The following DOCK2 variants were observed in gnomAD, a reference collection of about 807,000 sequenced individuals.
DOCK2 encodes dedicator of cytokinesis protein 2.
Under a neutral mutation model 248.9 loss-of-function variants are expected in DOCK2, and 87 were observed. That is an observed-to-expected ratio of 0.35 (90% CI 0.29 to 0.42). The LOEUF is 0.42. Ranked by LOEUF, DOCK2 falls within the 10% of genes least tolerant of loss-of-function variation. The pLI is 1.00. For missense variants in DOCK2, 1,747 were observed against 2,300.2 expected (o/e 0.76, Z 4.92); for synonymous variants, 805 against 821.6 (o/e 0.98, Z 0.35).
intron 1 of DOCK2, among the ~76,000 whole-genome samples, chr5:169,642,248 T>C (rs1408362016): frequency 2.0e-5 from 3 of 152,240 alleles, no homozygotes; most frequent in African/African-American, 7.2e-5. Flanking sequence ...ATTAACTTCT[T>C]AAATATTTGT....
Position 169,914,886 on chromosome 5 carries a change from A to C in DOCK2, c.2800-68182A>C, listed in dbSNP as rs373516281. Reference sequence around the variant, plus strand: ...CTACAAAGTCCCTTCACAGACTGACATAACTGTTGTTGTCTGGCTTCCTGT... The same window carrying C: ...CTACAAAGTCCCTTCACAGACTGACCTAACTGTTGTTGTCTGGCTTCCTGT... On this transcript the variant is annotated intron_variant, in intron 27 of 51. Transcript: ENST00000520908. Among the ~76,000 whole-genome samples the C allele has an allele frequency of 3.6e-3, 555 of 152,364 alleles. 35 individuals carry two copies. In the South Asian group the frequency reaches 0.11, roughly 30 times the overall value.
chr5:169,717,984 C>G (rs1199230768), intron 21 of DOCK2, among the ~76,000 whole-genome samples: 2 of 152,190 alleles, frequency 1.3e-5, no homozygotes, highest in Non-Finnish European at 2.9e-5. Flanking sequence ...ATCACTTGAA[C>G]CCTGGAGGTG....
chr5:170,020,453 G>A (rs748264151), intron 33 of DOCK2, among the ~76,000 whole-genome samples: 62 of 149,226 alleles, frequency 4.2e-4, no homozygotes, highest in Admixed American at 3.5e-3. Context: ...ATCTAATGAT[G>A]ATGATGATGA....
intron 27 of DOCK2, among the ~76,000 whole-genome samples, chr5:169,931,579 G>T (rs550066624): frequency 6.6e-6 from 1 of 152,328 alleles, no homozygotes; most frequent in South Asian, 2.1e-4. Context: ...TTTCATTTCA[G>T]TTACTTATTC....
intron 27 of DOCK2, among the ~76,000 whole-genome samples, chr5:169,882,393 A>AAT (rs1003511977): frequency 1.3e-5 from 2 of 152,330 alleles, no homozygotes; most frequent in Middle Eastern, 3.4e-3. Context: ...ATGAAATTCC[A>AAT]TTAGAGAAAA....
At chr5:169,731,375 G>A (rs1001350200) in intron 22 of DOCK2, among the ~76,000 whole-genome samples, 4 of 152,182 alleles carry the variant, frequency 2.6e-5, no homozygotes, top group Non-Finnish European at 5.9e-5. Context: ...AGATCTGATG[G>A]TTTTAAAAAC....
At chr5:170,056,602 C>G (rs899037736) in intron 42 of DOCK2, 82 bp from the exon 43 acceptor site, 2 of 1,158,856 alleles carry the variant, frequency 1.7e-6, no homozygotes, top group Non-Finnish European at 2.5e-6. Context: ...TGTAATGAAC[C>G]TCCCTGGACA....
chr5:170,001,720 C>T (rs1053578679), intron 30 of DOCK2, among the ~76,000 whole-genome samples: 1 of 152,184 alleles, frequency 6.6e-6, no homozygotes, highest in Non-Finnish European at 1.5e-5. Flanking sequence ...ATGTGCGATA[C>T]TGTGTGAACA....
At chr5:169,698,195 G>A (rs1304629646) in intron 10 of DOCK2, among the ~76,000 whole-genome samples, 179 bp from the exon 11 acceptor site, 11 of 152,180 alleles carry the variant, frequency 7.2e-5, no homozygotes, top group Non-Finnish European at 1.5e-5. Flanking sequence ...CCCTGGTGCT[G>A]CACGCGAGGA....
intron 44 of DOCK2, among the ~76,000 whole-genome samples, chr5:170,065,888 C>T (rs938799843): frequency 4.0e-5 from 6 of 151,634 alleles, no homozygotes; most frequent in Non-Finnish European, 7.4e-5. Flanking sequence ...CTTACCTCAC[C>T]TTTAAAGACA....
chr5:169,882,431 A>AACAACAGTGCTTCAAACATTTTGGAGAC, intron 27 of DOCK2: 1 of 793,280 alleles, frequency 1.3e-6, no homozygotes, highest in South Asian at 1.9e-5. Context: ...GATTTGGAGA[A>AACAACAGTGCTTCAAACATTTTGGAGAC]ACAACAGTGC....
At chr5:169,879,961 T>A (rs1772542640) in intron 27 of DOCK2, among the ~76,000 whole-genome samples, 1 of 152,230 alleles carries the variant, frequency 6.6e-6, no homozygotes. Flanking sequence ...TGGAGGTTAG[T>A]TCAAATTAAT....
intron 27 of DOCK2, among the ~76,000 whole-genome samples, chr5:169,886,556 C>G (rs1039904778): frequency 2.6e-5 from 4 of 152,186 alleles, no homozygotes; most frequent in Non-Finnish European, 2.9e-5. Context: ...TAGTTATTTT[C>G]ATTAATAGTA....
chr5:169,965,048 T>C (rs1777243298), intron 27 of DOCK2, among the ~76,000 whole-genome samples: 1 of 152,228 alleles, frequency 6.6e-6, no homozygotes, highest in Non-Finnish European at 1.5e-5. Context: ...AAACATCTGT[T>C]GAAGCCCTAC....
intron 9 of DOCK2, among the ~76,000 whole-genome samples, chr5:169,694,758 T>C (rs151338527): frequency 9.4e-4 from 143 of 152,012 alleles, no homozygotes; most frequent in African/African-American, 3.2e-3. Flanking sequence ...TGTGGGAGGA[T>C]TGCTTGAGCC....
intron 17 of DOCK2, 37 bp from the exon 18 acceptor site, chr5:169,713,991 G>A: frequency 6.4e-7 from 1 of 1,554,536 alleles, no homozygotes; most frequent in Non-Finnish European, 8.7e-7. Context: ...TGGGCATGGA[G>A]CCTTGGCTTG....
intron 41 of DOCK2, among the ~76,000 whole-genome samples, chr5:170,054,964 T>A (rs1162246944): frequency 6.6e-6 from 1 of 152,184 alleles, no homozygotes; most frequent in African/African-American, 2.4e-5. Context: ...TCAAATGAGA[T>A]CATGGGAAGA....
intron 26 of DOCK2, among the ~76,000 whole-genome samples, chr5:169,826,365 G>A (rs182510495): frequency 1.3e-5 from 2 of 152,228 alleles, no homozygotes; most frequent in Non-Finnish European, 2.9e-5. Context: ...AAAGGGAGAA[G>A]GACATCTCAG....
intron 22 of DOCK2, among the ~76,000 whole-genome samples, chr5:169,738,883 C>G (rs776912861): frequency 2.6e-5 from 4 of 152,170 alleles, no homozygotes; most frequent in Non-Finnish European, 4.4e-5. Context: ...ACCATTGCTC[C>G]TTCTGTTACC....
Sources: allele counts gnomAD v4.1 joint callset (sites outside exome capture counted in the v4.1 genomes callset), GRCh38; gene constraint gnomAD v4.1.1; transcripts MANE v1.5; gene names NCBI Gene and HGNC (gene_info 2026-07-23, HGNC 2026-07-21).